Variants in PLEKHO2 observed in about 807,000 individuals in gnomAD.
PLEKHO2 encodes the protein pleckstrin homology domain-containing family O member 2.
Under a neutral mutation model 32.7 loss-of-function variants are expected in PLEKHO2, and 20 were observed. That is an observed-to-expected ratio of 0.61 (90% CI 0.43 to 0.89). The LOEUF is 0.89. Among genes scored for constraint, PLEKHO2 ranks in the 40% least tolerant of loss-of-function variants. The probability of loss-of-function intolerance (pLI) is 0.00; values close to 1 mark genes in which losing one functional copy is unlikely to be tolerated. For synonymous variants in PLEKHO2, 247 were observed against 246.3 expected, an observed-to-expected ratio of 1.00 and a Z score of -0.03; for missense variants, 568 against 621.2, an observed-to-expected ratio of 0.91 and a Z score of 0.91.
chr15:64,856,647 G>T (rs1488796763), intron 3 of PLEKHO2, among the ~76,000 whole-genome samples: 2 of 152,132 alleles, frequency 1.3e-5, no homozygotes, highest in African/African-American at 4.8e-5. Flanking sequence ...CTGAGAACAG[G>T]ACAAGAATTT....
chr15:64,853,053 C>G (rs1289518654), intron 2 of PLEKHO2, among the ~76,000 whole-genome samples: 1 of 150,280 alleles, frequency 6.7e-6, no homozygotes, highest in African/African-American at 2.4e-5. Context: ...GCCGGAGAAT[C>G]GCAGGTACCC....
chr15:64,848,208 T>C (rs1295190499), intron 1 of PLEKHO2, among the ~76,000 whole-genome samples: 2 of 152,150 alleles, frequency 1.3e-5, no homozygotes, highest in Non-Finnish European at 2.9e-5. Context: ...AAACGTGGGG[T>C]CAGAGAGACC....
At chr15:64,851,596 T>G (rs1240998148) in intron 2 of PLEKHO2, among the ~76,000 whole-genome samples, 1 of 152,172 alleles carries the variant, frequency 6.6e-6, no homozygotes, top group Non-Finnish European at 1.5e-5. Flanking sequence ...ACTAGGCGAA[T>G]GCGAATGGCT....
chr15:64,859,394 G>C (rs534701370), intron 3 of PLEKHO2, among the ~76,000 whole-genome samples: 3 of 152,236 alleles, frequency 2.0e-5, no homozygotes, highest in African/African-American at 7.2e-5. Context: ...TGTCCACTGC[G>C]TGAGGCAGCC....
chr15:64,842,382 C>CTGTGTGTGTGTGTG, intron 1 of PLEKHO2, among the ~76,000 whole-genome samples: 1 of 45,586 alleles, frequency 2.2e-5, no homozygotes, highest in East Asian at 3.6e-3. Flanking sequence ...CTGACTCTCT[C>CTGTGTGTGTGTGTG]TCTCTCTCTG....
Position 64,865,852 on chromosome 15 carries a change from G to T in PLEKHO2, c.1437G>T (p.Lys479Asn). Residue 479 changes from lysine to asparagine, a missense_variant, in exon 6 of 6, where the codon AAG (lysine) becomes AAT (asparagine). Physicochemically the swap from Lys to Asn is moderately conservative, Grantham distance 94. Coordinates refer to ENST00000323544, the MANE Select transcript of PLEKHO2 (RefSeq NM_025201.5). ...CACCTGGGCTAAGGGAGAAGCGGAA[G>T]GAGCTGGTGACCCTCTACAGGAGAA... ...QEAPGLREKR[K>N]ELVTLYRRSA... 6.2e-7 allele frequency: 1 copy of T among 1,610,286 alleles called. No individual in the cohort carries two copies. The highest frequency in any genetic ancestry group is 8.5e-7 in the Non-Finnish European group (1 of 1,179,992).
At chr15:64,843,504 G>T (rs1484540528) in intron 1 of PLEKHO2, among the ~76,000 whole-genome samples, 1 of 152,114 alleles carries the variant, frequency 6.6e-6, no homozygotes, top group African/African-American at 2.4e-5. Flanking sequence ...ATTAAGGGAA[G>T]TTCTCCGGAC....
At chr15:64,859,869 T>C in intron 3 of PLEKHO2, 25 bp from the exon 4 acceptor site, 1 of 1,589,534 alleles carries the variant, frequency 6.3e-7, no homozygotes, top group Non-Finnish European at 8.6e-7. Flanking sequence ...ACATCTGCCA[T>C]CTACTCCATC....
chr15:64,865,005 G>C lies in PLEKHO2; in HGVS notation c.590G>C (p.Arg197Pro). ...AATCATGTCAGTGAAGCCCAACCTCGGGAGACACCCCGGCCCCTCATGCCT... is the reference window on the plus strand; with the variant it reads ...AATCATGTCAGTGAAGCCCAACCTCCGGAGACACCCCGGCCCCTCATGCCT... ...PSNHVSEAQP[R>P]ETPRPLMPPT... The change falls in exon 6 of 6, where the codon CGG becomes CCG. Residue 197 changes from arginine to proline, a missense_variant. Coordinates refer to ENST00000323544, the MANE Select transcript of PLEKHO2 (RefSeq NM_025201.5). The C allele has an allele frequency of 2.5e-6, 4 of 1,614,058 alleles. No homozygotes were observed. Among genetic ancestry groups the C allele is most frequent in the Non-Finnish European group, 3.4e-6 (4 of 1,180,004 alleles).
At chr15:64,843,045 G>C (rs2084496969) in intron 1 of PLEKHO2, among the ~76,000 whole-genome samples, 1 of 152,174 alleles carries the variant, frequency 6.6e-6, no homozygotes, top group South Asian at 2.1e-4. Flanking sequence ...GAAGTTCTCT[G>C]CCTTGGGGGA....
rs1038831397 is a variant in PLEKHO2, at chr15:64,865,739, A to G, written c.1324A>G (p.Thr442Ala). Residue 442 changes from threonine (T) to alanine (A), a missense_variant, in exon 6 of 6, where the codon ACA becomes GCA. Thr to Ala is a moderately conservative substitution (Grantham distance 58, BLOSUM62 0). Coordinates refer to ENST00000323544, the MANE Select transcript of PLEKHO2 (RefSeq NM_025201.5). ...GSEPAPVSAE[T>A]LLSQAVEQLR... ...TGAGCCGGCCCCTGTTAGTGCCGAA[A>G]CATTGCTCAGCCAGGCTGTGGAGCA... 1.2e-6 allele frequency: 2 copies of G among 1,614,104 alleles called. No homozygotes were observed. The highest frequency in any genetic ancestry group is 3.3e-5 in the Admixed American group (2 of 60,012).
chr15:64,847,154 C>T (rs892193047), intron 1 of PLEKHO2, among the ~76,000 whole-genome samples: 2 of 152,172 alleles, frequency 1.3e-5, no homozygotes, highest in African/African-American at 4.8e-5. Flanking sequence ...GGGGTGGGGG[C>T]CCACAGTGAG....
In PLEKHO2 at chr15:64,860,013, G is replaced by T. The variant is rs982081858; in HGVS notation, c.384+15G>T. The T allele has an allele frequency of 6.2e-7, 1 of 1,605,394 alleles. No homozygotes were observed. The highest frequency in any genetic ancestry group is 1.3e-5 in the African/African-American group (1 of 74,918). On this transcript the variant is annotated intron_variant, in intron 4 of 5. Transcript: ENST00000323544. ...CTTTCGATGAGGTGCGATGCAGTCTGTGGACATGGACAGCTCTGTGTCTCC... is the reference window on the plus strand; with the variant it reads ...CTTTCGATGAGGTGCGATGCAGTCTTTGGACATGGACAGCTCTGTGTCTCC...
At chr15:64,861,327 C>T (rs2084639095) in intron 4 of PLEKHO2, 150 bp from the exon 5 acceptor site, 2 of 572,600 alleles carry the variant, frequency 3.5e-6, no homozygotes, top group Non-Finnish European at 6.1e-6. Flanking sequence ...AGGGGCATTG[C>T]AGAGTTAGAG....
chr15:64,846,565 C>T (rs72757646), intron 1 of PLEKHO2, among the ~76,000 whole-genome samples: 2,756 of 152,266 alleles, frequency 0.018, 57 homozygotes, highest in South Asian at 0.03. Context: ...CTGCCCATCT[C>T]GGCCCAAAGT....
chr15:64,865,269 C>T lies in PLEKHO2; in HGVS notation c.854C>T (p.Ala285Val), dbSNP rs1437353275. Residue 285 changes from alanine to valine, a missense_variant, in exon 6 of 6, where the codon GCA becomes GTA. By Grantham distance (64) the Ala-to-Val change is moderately conservative (BLOSUM62 0). Transcript: ENST00000323544. ...CCCAGCCCCCAGGAGGCCCCTGCTG[C>T]AGAGAGTGCAGAACCGTCCCAGGCA... ...ENPSPQEAPAAESAEPSQAPC... is the reference protein window; with the variant it reads ...ENPSPQEAPAVESAEPSQAPC... 6.2e-7 allele frequency: 1 copy of T among 1,613,986 alleles called. No individual in the cohort carries two copies. The highest frequency in any genetic ancestry group is 1.3e-5 in the African/African-American group (1 of 75,046).
At position 64,855,078 on chromosome 15, in the gene PLEKHO2, A is replaced by C. The variant is rs200815294; in HGVS notation, c.279+41A>C. The C allele has an allele frequency of 4.6e-5, 70 of 1,515,658 alleles. 1 individual carries two copies. The East Asian group carries it at 1.5e-3, about 31-fold the overall frequency. 93.9% of individuals were successfully genotyped at this position (1,515,658 alleles called of 1,614,324 possible). On this transcript the variant is annotated intron_variant, in intron 3 of 5. Transcript: ENST00000323544. ...CTGCTGCCCCATCTCCCTCTAGCCC[A>C]GAGTCAGCTTGGGAGGCCTAAGCAG...
At chr15:64,848,534 C>G (rs2084540188) in intron 1 of PLEKHO2, 59 bp from the exon 2 acceptor site, 4 of 1,603,016 alleles carry the variant, frequency 2.5e-6, no homozygotes, top group Non-Finnish European at 3.4e-6. Context: ...ACCTATGAAC[C>G]TGTGACCTGT....
chr15:64,858,667 A>G (rs2084622013), intron 3 of PLEKHO2, among the ~76,000 whole-genome samples: 2 of 152,224 alleles, frequency 1.3e-5, no homozygotes, highest in African/African-American at 4.8e-5. Context: ...TCCAGAGGGA[A>G]GGCAATGGTG....
Sources: allele counts gnomAD v4.1 joint callset (sites outside exome capture counted in the v4.1 genomes callset), GRCh38; gene constraint gnomAD v4.1.1; transcripts MANE v1.5; gene names NCBI Gene and HGNC (gene_info 2026-07-23, HGNC 2026-07-21).